TAF2: variants seen among roughly 807,000 people sequenced by gnomAD.
TAF2 encodes the protein TATA-box binding protein associated factor 2, also known as transcription initiation factor TFIID subunit 2.
TAF2 carries 61 observed loss-of-function variants against 138.5 expected under a neutral mutation model. The observed-to-expected ratio is 0.44, with a 90% CI of 0.36 to 0.54. The LOEUF (loss-of-function observed/expected upper bound fraction) is 0.54. Ranked by LOEUF, TAF2 falls within the 20% of genes least tolerant of loss-of-function variation. The pLI, the probability that TAF2 is intolerant of heterozygous loss-of-function variation, is 0.00. For synonymous variants in TAF2, 475 were observed against 469.9 expected (o/e 1.01, Z -0.14); for missense variants, 1,090 against 1,427.9 (o/e 0.76, Z 3.81).
intron 22 of TAF2, among the ~76,000 whole-genome samples, chr8:119,752,127 A>G (rs1183841120): frequency 6.6e-6 from 1 of 152,168 alleles, no homozygotes; most frequent in East Asian, 1.9e-4. Flanking sequence ...GTAAAATTTT[A>G]ACTGGTGAAT....
intron 19 of TAF2, 65 bp from the exon 20 acceptor site, chr8:119,760,803 G>C (rs1821011787): frequency 6.2e-7 from 1 of 1,600,892 alleles, no homozygotes; most frequent in African/African-American, 1.3e-5. Flanking sequence ...TTGTTTCCTA[G>C]GCATTAGAGA....
intron 1 of TAF2, among the ~76,000 whole-genome samples, chr8:119,832,262 C>G (rs1014986033): frequency 6.6e-6 from 1 of 151,662 alleles, no homozygotes; most frequent in Non-Finnish European, 1.5e-5. Context: ...CAATCTAGTA[C>G]TTAGACAAAA....
intron 17 of TAF2, among the ~76,000 whole-genome samples, chr8:119,778,438 T>G (rs1322572011): frequency 2.6e-5 from 4 of 152,230 alleles, no homozygotes; most frequent in African/African-American, 9.6e-5. Flanking sequence ...CACTTCTATG[T>G]GATACAGTGG....
chr8:119,736,942 GTTTC>G (rs1233533364), intron 25 of TAF2, among the ~76,000 whole-genome samples: 3 of 151,972 alleles, frequency 2.0e-5, no homozygotes, highest in Non-Finnish European at 4.4e-5. Flanking sequence ...ACAAAACCTA[GTTTC>G]TTTAACAAAT....
intron 2 of TAF2, among the ~76,000 whole-genome samples, chr8:119,826,090 A>G (rs1586553279): frequency 6.6e-6 from 1 of 151,992 alleles, no homozygotes; most frequent in African/African-American, 2.4e-5. Context: ...GGAGGGGAAC[A>G]TCAAACACCA....
intron 22 of TAF2, among the ~76,000 whole-genome samples, chr8:119,755,660 G>A (rs1820653883): frequency 6.6e-6 from 1 of 151,982 alleles, no homozygotes; most frequent in South Asian, 2.1e-4. Context: ...CCCTGGAAAA[G>A]GCCACTAGAT....
At chr8:119,822,242 G>A (rs1285624592) in intron 2 of TAF2, among the ~76,000 whole-genome samples, 1 of 149,696 alleles carries the variant, frequency 6.7e-6, no homozygotes, top group East Asian at 2.0e-4. Flanking sequence ...TTTTTTCAGA[G>A]ACAGGGTATT....
intron 3 of TAF2, among the ~76,000 whole-genome samples, chr8:119,814,505 A>G (rs1335068388): frequency 6.6e-6 from 1 of 152,104 alleles, no homozygotes. Flanking sequence ...TCATTTATAT[A>G]CTAAAATAGA....
rs779111665 is a variant in TAF2 at position 119,744,294 on chromosome 8, T to C, written c.3208A>G (p.Thr1070Ala). 8.7e-6 allele frequency: 14 copies of C among 1,613,496 alleles called. No homozygotes were observed. The highest frequency in any genetic ancestry group is 6.7e-5 in the East Asian group (3 of 44,826). Reference sequence around the variant, plus strand: ...TGCAGAATACTAATCTTACCTGGAGTTGACGGCCTTTCAAGCATGTTTAAA... The same window carrying C: ...TGCAGAATACTAATCTTACCTGGAGCTGACGGCCTTTCAAGCATGTTTAAA... ...HHLNMLERPS[T>A]PGLSKYRPAS... Residue 1070 changes from threonine (T) to alanine (A), a missense_variant, in exon 24 of 26, where the codon ACT becomes GCT. Transcript: ENST00000378164.
chr8:119,805,394 C>T (rs1824550996), intron 4 of TAF2, among the ~76,000 whole-genome samples: 1 of 152,116 alleles, frequency 6.6e-6, no homozygotes, highest in South Asian at 2.1e-4. Context: ...GCAGGTTCTA[C>T]CTATATGATT....
chr8:119,806,469 C>CTTTTTTT, intron 3 of TAF2, 68 bp from the exon 4 acceptor site: 1 of 761,482 alleles, frequency 1.3e-6, no homozygotes. Context: ...TTCTTTCTTT[C>CTTTTTTT]TTTTTTTTTT....
At chr8:119,744,620 A>C (rs925135081) in intron 23 of TAF2, 11 of 550,160 alleles carry the variant, frequency 2.0e-5, no homozygotes, top group Admixed American at 3.1e-5. Context: ...AATAGCAACT[A>C]AAATCTACTC....
At chr8:119,768,451 A>G (rs1821597202) in intron 18 of TAF2, among the ~76,000 whole-genome samples, 2 of 151,116 alleles carry the variant, frequency 1.3e-5, no homozygotes, top group Non-Finnish European at 3.0e-5. Flanking sequence ...TCCTTCCTCT[A>G]CCTATTGAAA....
intron 25 of TAF2, among the ~76,000 whole-genome samples, chr8:119,738,034 T>C (rs532823175): frequency 1.3e-5 from 2 of 152,100 alleles, no homozygotes; most frequent in Admixed American, 6.6e-5. Flanking sequence ...TTTTCACTTA[T>C]ACTATAAACT....
intron 3 of TAF2, among the ~76,000 whole-genome samples, chr8:119,816,879 C>T (rs1441320799): frequency 6.6e-6 from 1 of 152,162 alleles, no homozygotes; most frequent in Non-Finnish European, 1.5e-5. Flanking sequence ...CTTGTTTATC[C>T]TTCATGCGAA....
In TAF2 at chr8:119,732,150, G is replaced by A. The variant is rs763456509; in HGVS notation, c.3374C>T (p.Pro1125Leu). 1 of 1,614,144 alleles carries A rather than the reference G, an allele frequency of 6.2e-7. No individual in the cohort carries two copies. Among genetic ancestry groups the A allele is most frequent in the Non-Finnish European group, 8.5e-7 (1 of 1,180,038 alleles). Residue 1125 changes from proline to leucine, a missense_variant, in exon 26 of 26, where the codon CCA (proline) becomes CTA (leucine). Transcript: ENST00000378164. The part of the protein sequence containing the change: ...EQAPLEMSMH[P>L]AASAPLSVFT... Reference sequence around the variant, plus strand: ...GACTGAGAGTGGAGCGCTTGCCGCTGGATGCATACTCATCTCCAAAGGTGC... The same window carrying A: ...GACTGAGAGTGGAGCGCTTGCCGCTAGATGCATACTCATCTCCAAAGGTGC...
At chr8:119,801,107 C>T (rs1824225071) in intron 6 of TAF2, among the ~76,000 whole-genome samples, 1 of 152,124 alleles carries the variant, frequency 6.6e-6, no homozygotes, top group Non-Finnish European at 1.5e-5. Flanking sequence ...ATAAATCTTG[C>T]TCTTTAATTT....
intron 3 of TAF2, among the ~76,000 whole-genome samples, chr8:119,810,838 A>C (rs553771471): frequency 1.3e-5 from 2 of 152,318 alleles, no homozygotes; most frequent in African/African-American, 4.8e-5. Flanking sequence ...CATATTAATT[A>C]GTTTTTTTAT....
chr8:119,757,958 A>G, intron 21 of TAF2, 115 bp downstream of exon 21: 1 of 888,670 alleles, frequency 1.1e-6, no homozygotes, highest in Non-Finnish European at 1.8e-6. Context: ...AATAAATGCA[A>G]AAGATATTCC....
Sources: allele counts gnomAD v4.1 joint callset (sites outside exome capture counted in the v4.1 genomes callset), GRCh38; gene constraint gnomAD v4.1.1; transcripts MANE v1.5; gene names NCBI Gene and HGNC (gene_info 2026-07-23, HGNC 2026-07-21).